HHIP: variants seen among roughly 807,000 people sequenced by gnomAD.
HHIP encodes the protein hedgehog-interacting protein.
A neutral mutation model predicts 74.0 loss-of-function variants in HHIP; 12 were observed. That is an observed-to-expected ratio of 0.16 (90% CI 0.10 to 0.26). HHIP has a LOEUF of 0.26. Among genes scored for constraint, HHIP ranks in the 10% least tolerant of loss-of-function variants. HHIP has a pLI of 1.00. For missense variants in HHIP, 788 were observed against 845.0 expected (o/e 0.93, Z 0.84); for synonymous variants, 309 against 311.6 (o/e 0.99, Z 0.09).
In HHIP at chr4:144,719,093, C is replaced by T. The variant is rs1460266653; in HGVS notation, c.1760+137C>T. 7.7e-6 allele frequency: 5 copies of T among 646,154 alleles called. No individual in the cohort carries two copies. The South Asian group carries it at 9.5e-5, about 12-fold the overall frequency. 40.0% of individuals were successfully genotyped at this position (646,154 alleles called of 1,614,324 possible). A position where few individuals can be genotyped will look rare whatever the true frequency, so the allele number is the denominator to read the frequency against. ...TTTTACCATTTCCATATGCTTAGAG[C>T]TGTCCTGAAAGGATTTTCTTCGCCT... On this transcript the variant is annotated intron_variant, in intron 11 of 12. Transcript: ENST00000296575.
intron 11 of HHIP, among the ~76,000 whole-genome samples, chr4:144,727,755 A>C (rs72733552): frequency 6.6e-6 from 1 of 152,330 alleles, no homozygotes; most frequent in Non-Finnish European, 1.5e-5. Flanking sequence ...GATAAACCAA[A>C]GTTGATACAG....
chr4:144,701,783 G>C (rs1269344837), intron 4 of HHIP, among the ~76,000 whole-genome samples: 1 of 152,148 alleles, frequency 6.6e-6, no homozygotes, highest in Non-Finnish European at 1.5e-5. Context: ...GTGGATGACT[G>C]AACTTGAAGT....
intron 4 of HHIP, among the ~76,000 whole-genome samples, chr4:144,662,750 T>A (rs77322839): frequency 6.6e-6 from 1 of 152,196 alleles, no homozygotes; most frequent in African/African-American, 2.4e-5. Flanking sequence ...GTTGTTATCA[T>A]TTTATTCCAA....
intron 4 of HHIP, among the ~76,000 whole-genome samples, chr4:144,682,233 A>G (rs746043850): frequency 9.2e-5 from 14 of 152,232 alleles, no homozygotes; most frequent in Non-Finnish European, 1.9e-4. Context: ...TTTGCAGGAC[A>G]GCGAAAACTT....
intron 4 of HHIP, among the ~76,000 whole-genome samples, chr4:144,667,528 A>T (rs535973373): frequency 6.6e-6 from 1 of 152,292 alleles, no homozygotes; most frequent in East Asian, 1.9e-4. Context: ...TTTCTATTTA[A>T]ATGTGTTACT....
chr4:144,662,530 G>A (rs978726818), intron 4 of HHIP, among the ~76,000 whole-genome samples: 7 of 152,190 alleles, frequency 4.6e-5, no homozygotes, highest in Admixed American at 2.6e-4. Flanking sequence ...AAAAGTTGTG[G>A]CATTGAGATT....
At chr4:144,660,043 G>A in intron 4 of HHIP, 1 of 559,144 alleles carries the variant, frequency 1.8e-6, no homozygotes, top group East Asian at 2.9e-5. Flanking sequence ...ATTGTGCGCT[G>A]CAATCGAATT....
chr4:144,675,697 T>C (rs1177225932), intron 4 of HHIP, among the ~76,000 whole-genome samples: 5 of 152,138 alleles, frequency 3.3e-5, no homozygotes, highest in Non-Finnish European at 2.9e-5. Flanking sequence ...TGTGTGTGTA[T>C]ATATATGCAT....
intron 11 of HHIP, among the ~76,000 whole-genome samples, chr4:144,719,677 T>C (rs995851925): frequency 1.3e-5 from 2 of 152,178 alleles, no homozygotes; most frequent in Admixed American, 1.3e-4. Context: ...TTATATGTTG[T>C]CAAAAATACA....
At chr4:144,653,442 A>G (rs563177742) in intron 2 of HHIP, among the ~76,000 whole-genome samples, 11 of 152,266 alleles carry the variant, frequency 7.2e-5, no homozygotes, top group African/African-American at 2.6e-4. Context: ...TCTTATGCAT[A>G]TAGTGTCATG....
chr4:144,675,720 TG>T (rs1729153379), intron 4 of HHIP, among the ~76,000 whole-genome samples: 1 of 152,168 alleles, frequency 6.6e-6, no homozygotes, highest in Non-Finnish European at 1.5e-5. Flanking sequence ...AACACTGTAT[TG>T]TTTAATGAAA....
chr4:144,677,208 G>A (rs1729191733), intron 4 of HHIP, among the ~76,000 whole-genome samples: 1 of 152,082 alleles, frequency 6.6e-6, no homozygotes, highest in Non-Finnish European at 1.5e-5. Context: ...CCTGTTTGGG[G>A]GACAAGACAG....
chr4:144,706,425 A>T, intron 4 of HHIP, 106 bp from the exon 5 acceptor site: 1 of 937,360 alleles, frequency 1.1e-6, no homozygotes, highest in East Asian at 2.7e-5. Context: ...GAGGTTGGGC[A>T]AAGATTATCC....
intron 4 of HHIP, among the ~76,000 whole-genome samples, chr4:144,676,539 C>T (rs1287795932): frequency 6.6e-6 from 1 of 152,144 alleles, no homozygotes; most frequent in African/African-American, 2.4e-5. Context: ...TCTCTGGAGA[C>T]TTGCTATTCA....
At position 144,744,888 on chromosome 4, in the gene HHIP, A is replaced by T. The variant is rs1413878240; in HGVS notation, c.*6931A>T. ...CTTTAGAATTCAGCAGTAACAGTAC[A>T]GATGGCCTAAAGTACATCTGTGTGT... On this transcript the variant is annotated 3_prime_UTR_variant, in exon 13 of 13. Coordinates refer to ENST00000296575, the MANE Select transcript of HHIP (RefSeq NM_022475.3). 6.6e-6 allele frequency: 1 copy of T among 152,242 alleles called. No homozygotes were observed. The highest frequency in any genetic ancestry group is 2.4e-5 in the African/African-American group (1 of 41,472). 9.4% of individuals were successfully genotyped at this position (152,242 alleles called of 1,614,324 possible).
Position 144,738,763 on chromosome 4 carries a change from A to G in HHIP, c.*806A>G. On this transcript the variant is annotated 3_prime_UTR_variant, in exon 13 of 13. Coordinates refer to ENST00000296575, the MANE Select transcript of HHIP (RefSeq NM_022475.3). ...CCTTTACCCTGTCCTGTAAAACACT[A>G]AAGTTACATTTTTCACCAACTTAAT... The G allele has an allele frequency of 1.2e-6, 1 of 814,424 alleles. No homozygotes were observed. Among genetic ancestry groups the G allele is most frequent in the Non-Finnish European group, 1.5e-6 (1 of 673,738 alleles). The allele number at this position is 814,424 out of a possible 1,614,324, so 50.4% of individuals were successfully genotyped here.
rs1302425315 is a variant in HHIP, at chr4:144,742,612, A to G, written c.*4655A>G. The stretch of plus-strand genomic sequence containing the variant: ...TCCTCACCCCTGGGATGAGATTTGA[A>G]GTTGCAGAGGACTCAGACCAAAGTC... On this transcript the variant is annotated 3_prime_UTR_variant, in exon 13 of 13. Transcript: ENST00000296575. The G allele has an allele frequency of 6.6e-6, 1 of 151,806 alleles. No homozygotes were observed. Among genetic ancestry groups the G allele is most frequent in the Non-Finnish European group, 1.5e-5 (1 of 67,936 alleles). The allele number at this position is 151,806 out of a possible 1,614,324, so 9.4% of individuals were successfully genotyped here. A position where few individuals can be genotyped will look rare whatever the true frequency, so the allele number is the denominator to read the frequency against.
At chr4:144,716,355 T>A (rs1353883176) in intron 10 of HHIP, among the ~76,000 whole-genome samples, 4 of 152,128 alleles carry the variant, frequency 2.6e-5, no homozygotes, top group African/African-American at 9.7e-5. Context: ...ACACATAAGA[T>A]AAGTTTCAGA....
At chr4:144,671,319 T>G (rs1044449244) in intron 4 of HHIP, among the ~76,000 whole-genome samples, 19 of 31,100 alleles carry the variant, frequency 6.1e-4, no homozygotes, top group African/African-American at 2.3e-3. Flanking sequence ...AAGGAGGGTG[T>G]TTTTTTTTTT....
Sources: allele counts gnomAD v4.1 joint callset (sites outside exome capture counted in the v4.1 genomes callset), GRCh38; gene constraint gnomAD v4.1.1; transcripts MANE v1.5; gene names NCBI Gene and HGNC (gene_info 2026-07-23, HGNC 2026-07-21).